The following ATPAF2 variants were observed in gnomAD, a reference collection of about 807,000 sequenced individuals.
ATPAF2 encodes the protein ATP12 homolog.
Under a neutral mutation model 36.6 loss-of-function variants are expected in ATPAF2, and 30 were observed. That is an observed-to-expected ratio of 0.82 (90% CI 0.61 to 1.11). ATPAF2 has a LOEUF of 1.11. ATPAF2 is among the 50% of genes most tolerant of loss of function. The pLI is 0.00. For synonymous variants in ATPAF2, 140 were observed against 152.6 expected, an observed-to-expected ratio of 0.92 and a Z score of 0.61; for missense variants, 321 against 372.3, an observed-to-expected ratio of 0.86 and a Z score of 1.13.
intron 1 of ATPAF2, 82 bp downstream of exon 1, chr17:18,038,799 T>A (rs1202921281): frequency 6.3e-7 from 1 of 1,586,324 alleles, no homozygotes; most frequent in African/African-American, 1.3e-5. Flanking sequence ...CTGCCTCAGT[T>A]ACTTCGCTTT....
At position 18,018,494 on chromosome 17, in the gene ATPAF2, CG is replaced by C; in HGVS notation, c.*54del. ...CCACAGGCTGGGGAGCCCTGAAGGC[CG>C]GGGGAGCTGTGGCTGCACTGCCTCT... On this transcript the variant is annotated 3_prime_UTR_variant, in exon 8 of 8. Transcript: ENST00000474627. The C allele has an allele frequency of 1.9e-6, 3 of 1,607,128 alleles. No homozygotes were observed. Among genetic ancestry groups the C allele is most frequent in the South Asian group, 1.1e-5 (1 of 90,876 alleles).
At chr17:18,021,298 T>G in intron 6 of ATPAF2, 60 bp from the exon 7 acceptor site, 1 of 1,288,660 alleles carries the variant, frequency 7.8e-7, no homozygotes, top group Non-Finnish European at 1.1e-6. Context: ...ACCTACCCCT[T>G]GTGAGTCCCA....
In ATPAF2 at chr17:18,018,392, G is replaced by T; in HGVS notation, c.*157C>A. ...AAATCAGGCTGACCTCCGGACAGCC[G>T]TACTAGCGCACTGTGTCTCGGGGGG... is the stretch of plus-strand genomic sequence containing the variant. On this transcript the variant is annotated 3_prime_UTR_variant, in exon 8 of 8. Coordinates refer to ENST00000474627, the MANE Select transcript of ATPAF2 (RefSeq NM_145691.4). 9.4e-7 allele frequency: 1 copy of T among 1,065,610 alleles called. No homozygotes were observed. The highest frequency in any genetic ancestry group is 1.4e-6 in the Non-Finnish European group (1 of 715,494). The allele number at this position is 1,065,610 out of a possible 1,614,324, so 66.0% of individuals were successfully genotyped here.
Position 18,018,608 on chromosome 17 carries a change from G to A in ATPAF2, c.811C>T (p.Leu271Phe). 1 of 1,614,032 alleles carries A rather than the reference G, an allele frequency of 6.2e-7. No homozygotes were observed. Among genetic ancestry groups the A allele is most frequent in the South Asian group, 1.1e-5 (1 of 91,070 alleles). The stretch of plus-strand genomic sequence containing the variant: ...CTCTCGGAGCAGAGATGGATGAAGA[G>A]GGTGCCGGCGGCGGTGCGGGCCCGC... ...ELRARTAAGT[L>F]FIHLCSESTT... is the part of the protein sequence containing the mutation. Residue 271 changes from leucine (L) to phenylalanine (F), a missense_variant, in exon 8 of 8, where the codon CTC becomes TTC. Leu to Phe is a conservative substitution (Grantham distance 22). Around this residue, in one of 3 missense-constraint regions of ATPAF2, gnomAD observed 199 missense variants for 220.6 expected, o/e 0.90. Coordinates refer to ENST00000474627, the MANE Select transcript of ATPAF2 (RefSeq NM_145691.4).
chr17:18,022,003 C>T, intron 5 of ATPAF2, 146 bp from the exon 6 acceptor site: 2 of 729,066 alleles, frequency 2.7e-6, no homozygotes, highest in Admixed American at 2.0e-5. Flanking sequence ...CAACTGCCAC[C>T]ATGGTCAGTG....
downstream of ATPAF2, chr17:18,016,873 T>TAA (rs5819640): frequency 8.0e-4 from 243 of 302,780 alleles, no homozygotes; most frequent in Non-Finnish European, 8.6e-4. Context: ...CCCCTACTCA[T>TAA]AAAAAAAAAA....
Position 18,026,435 on chromosome 17 carries a change from C to T in ATPAF2, c.325-19G>A, listed in dbSNP as rs1376430446. On this transcript the variant is annotated intron_variant, in intron 3 of 7. Coordinates refer to ENST00000474627, the MANE Select transcript of ATPAF2 (RefSeq NM_145691.4). ...ATGTGGTCTGAATCAAAGGCAAAAA[C>T]CACCCTGTCACTGCCTGCGGGGCTC... is the stretch of plus-strand genomic sequence containing the variant. The T allele has an allele frequency of 1.9e-6, 3 of 1,605,140 alleles. No homozygotes were observed. The highest frequency in any genetic ancestry group is 4.5e-5 in the East Asian group (2 of 44,858).
Position 18,018,268 on chromosome 17 carries a change from G to A in ATPAF2, c.*281C>T, listed in dbSNP as rs1462183524. The A allele has an allele frequency of 2.1e-6, 1 of 487,456 alleles. No individual in the cohort carries two copies. Among genetic ancestry groups the A allele is most frequent in the Non-Finnish European group, 3.8e-6 (1 of 265,612 alleles). 30.2% of individuals were successfully genotyped at this position (487,456 alleles called of 1,614,324 possible). A position where few individuals can be genotyped will look rare whatever the true frequency, so the allele number is the denominator to read the frequency against. ...GAAAACAGGGCTCAGCACATTTCCA[G>A]GGTGGAGAAATATTTAATAAAATCA... On this transcript the variant is annotated 3_prime_UTR_variant, in exon 8 of 8. Transcript: ENST00000474627.
chr17:18,023,041 T>C (rs558064641), intron 5 of ATPAF2, among the ~76,000 whole-genome samples: 4 of 147,326 alleles, frequency 2.7e-5, no homozygotes, highest in Admixed American at 7.0e-5. Context: ...GGCAGGAAAA[T>C]GGCATAAAAC....
At chr17:18,015,737 C>T (rs550247205), downstream of ATPAF2, 2 of 250,132 alleles carry the variant, frequency 8.0e-6, no homozygotes, top group Admixed American at 9.4e-5. Context: ...GAGAGAGAAG[C>T]ATTGTGAGAA....
chr17:18,016,099 C>T (rs750647840), downstream of ATPAF2: 45 of 1,613,754 alleles, frequency 2.8e-5, no homozygotes, highest in East Asian at 4.5e-5. Flanking sequence ...TTAATGCTGT[C>T]GGGGCATCGC....
chr17:18,015,996 G>A (rs1947874081), downstream of ATPAF2: 1 of 1,569,094 alleles, frequency 6.4e-7, no homozygotes, highest in African/African-American at 1.3e-5. Context: ...CTCCTTCTCT[G>A]TTCAGCTCCC....
downstream of ATPAF2, chr17:18,016,248 A>C (rs1294995931): frequency 1.3e-6 from 2 of 1,586,352 alleles, no homozygotes; most frequent in African/African-American, 2.7e-5. Flanking sequence ...TCTAGCTGAC[A>C]TGGAAATCCT....
At chr17:18,033,391 G>A (rs1048923687) in intron 1 of ATPAF2, among the ~76,000 whole-genome samples, 12 of 150,110 alleles carry the variant, frequency 8.0e-5, no homozygotes, top group African/African-American at 2.5e-4. Context: ...AACATGATCT[G>A]GACAATTCGT....
At chr17:18,016,656 C>T (rs777124831), downstream of ATPAF2, 58 of 1,610,394 alleles carry the variant, frequency 3.6e-5, no homozygotes, top group Non-Finnish European at 4.8e-5. Context: ...TGGAATGTGG[C>T]GACATCCTAG....
chr17:18,016,227 G>C (rs1418071877), downstream of ATPAF2: 1 of 1,604,032 alleles, frequency 6.2e-7, no homozygotes, highest in East Asian at 2.2e-5. Flanking sequence ...CTAGCAGGCT[G>C]GATGAACTTT....
At chr17:18,024,875 C>A in intron 4 of ATPAF2, 171 bp from the exon 5 acceptor site, 1 of 659,436 alleles carries the variant, frequency 1.5e-6, no homozygotes, top group Non-Finnish European at 2.7e-6. Context: ...CTGGCACCAG[C>A]ATCGCCTGGG....
chr17:18,028,693 A>G, intron 1 of ATPAF2, 34 bp from the exon 2 acceptor site: 1 of 1,603,936 alleles, frequency 6.2e-7, no homozygotes, highest in Non-Finnish European at 8.5e-7. Context: ...GGCAGTTTAA[A>G]ATAACGTTGA....
chr17:18,018,387 C>T lies in ATPAF2; in HGVS notation c.*162G>A, dbSNP rs1194042572. Reference sequence around the variant, plus strand: ...GGTTGAAATCAGGCTGACCTCCGGACAGCCGTACTAGCGCACTGTGTCTCG... The same window carrying T: ...GGTTGAAATCAGGCTGACCTCCGGATAGCCGTACTAGCGCACTGTGTCTCG... On this transcript the variant is annotated 3_prime_UTR_variant, in exon 8 of 8. Transcript: ENST00000474627. 1 of 996,844 alleles carries T rather than the reference C, an allele frequency of 1.0e-6. No homozygotes were observed. Among genetic ancestry groups the T allele is most frequent in the Non-Finnish European group, 1.5e-6 (1 of 663,890 alleles). The allele number at this position is 996,844 out of a possible 1,614,324, so 61.7% of individuals were successfully genotyped here. A position where few individuals can be genotyped will look rare whatever the true frequency, so the allele number is the denominator to read the frequency against.
Sources: gnomAD v4.1 joint callset for allele counts (sites outside exome capture counted in the v4.1 genomes callset) on GRCh38, gnomAD v4.1.1 for gene constraint, gnomAD v4.1.1 regional missense constraint, MANE v1.5 for transcripts, NCBI Gene and HGNC (gene_info 2026-07-23, HGNC 2026-07-21) for gene names.